Variants in GALNT10 observed in about 807,000 individuals in gnomAD.
The protein encoded by GALNT10 is polypeptide N-acetylgalactosaminyltransferase 10, also known as GalNAc transferase 10.
In GALNT10, 41 loss-of-function variants were observed where a neutral mutation model predicts 75.0. The observed-to-expected ratio is 0.55, with a 90% CI of 0.43 to 0.71. GALNT10 has a LOEUF of 0.71. Among genes scored for constraint, GALNT10 ranks in the 30% least tolerant of loss-of-function variants. The pLI is 0.00. For missense variants in GALNT10, 727 were observed against 818.5 expected (o/e 0.89, Z 1.36); for synonymous variants, 302 against 313.0 (o/e 0.96, Z 0.37).
At position 154,375,133 on chromosome 5, in the gene GALNT10, A is replaced by G. The variant is rs189588594; in HGVS notation, c.569-1144A>G. ...ACACAGCTAGAAGAAGGAAACCATC[A>G]TGTTTCCACAGCAAACCCAGGAATT... On this transcript the variant is annotated intron_variant, in intron 4 of 11. Transcript: ENST00000297107. Among the ~76,000 whole-genome samples, 12 of 152,344 alleles carry G rather than the reference A, an allele frequency of 7.9e-5. No homozygotes were observed. In the East Asian group the frequency reaches 2.3e-3, roughly 29 times the overall value.
intron 3 of GALNT10, among the ~76,000 whole-genome samples, chr5:154,329,024 G>T (rs910019431): frequency 1.3e-5 from 2 of 151,884 alleles, no homozygotes; most frequent in Non-Finnish European, 2.9e-5. Context: ...GTTCTTTCTG[G>T]TGACCACCCC....
intron 1 of GALNT10, among the ~76,000 whole-genome samples, chr5:154,269,704 G>A (rs148370896): frequency 1.5e-3 from 224 of 152,356 alleles, no homozygotes; most frequent in African/African-American, 5.3e-3. Flanking sequence ...GTTATAGGCT[G>A]GTGGGCAGAG....
At position 154,416,834 on chromosome 5, in the gene GALNT10, T is replaced by A; in HGVS notation, c.1674T>A (p.Pro558=). The A allele has an allele frequency of 6.2e-7, 1 of 1,613,546 alleles. No individual in the cohort carries two copies. The highest frequency in any genetic ancestry group is 8.5e-7 in the Non-Finnish European group (1 of 1,179,406). ...KYRKDKTLYH[P]VSGSCMDCSE... ...TGTAGGACAAGACCCTGTACCACCC[T>A]GTCAGTGGCAGCTGCATGGACTGCA... Residue 558 remains proline, a synonymous_variant, in exon 12 of 12, where the codon CCT becomes CCA. Coordinates refer to ENST00000297107, the MANE Select transcript of GALNT10 (RefSeq NM_198321.4). This position sits in a 1 kb window ranked among gnomAD's most constrained non-coding sequence, Gnocchi z 4.5.
intron 1 of GALNT10, among the ~76,000 whole-genome samples, chr5:154,226,349 C>T (rs145112749): frequency 3.9e-5 from 6 of 152,224 alleles, no homozygotes; most frequent in African/African-American, 1.4e-4. Flanking sequence ...AATCACATTC[C>T]TTCTGCCTGA....
rs1035509975 is a variant in GALNT10 at position 154,226,030 on chromosome 5, G to A, written c.159+35005G>A. On this transcript the variant is annotated intron_variant, in intron 1 of 11. Coordinates refer to ENST00000297107, the MANE Select transcript of GALNT10 (RefSeq NM_198321.4). ...GATAGCATTAGGAGATATACCTAAT[G>A]TTAAATGACGAGTTAATGGGTGCAG... 3.0e-4 allele frequency among the ~76,000 whole-genome samples: 46 copies of A among 151,816 alleles called. 1 individual carries two copies. Among genetic ancestry groups the A allele is most frequent in the Non-Finnish European group, 1.5e-5 (1 of 68,004 alleles).
intron 1 of GALNT10, among the ~76,000 whole-genome samples, chr5:154,194,092 A>G (rs891623554): frequency 2.6e-5 from 4 of 152,250 alleles, no homozygotes; most frequent in Non-Finnish European, 5.9e-5. Context: ...GGTTATTAAA[A>G]GCTCAAGTTA....
chr5:154,369,643 A>G (rs1755534305), intron 4 of GALNT10, among the ~76,000 whole-genome samples: 1 of 152,224 alleles, frequency 6.6e-6, no homozygotes, highest in South Asian at 2.1e-4. Flanking sequence ...ACCAAGATTT[A>G]CAAGTGAATA....
Position 154,365,397 on chromosome 5 carries a change from G to GA in GALNT10, c.569-10874dup, listed in dbSNP as rs540696238. On this transcript the variant is annotated intron_variant, in intron 4 of 11. Coordinates refer to ENST00000297107, the MANE Select transcript of GALNT10 (RefSeq NM_198321.4). ...AAGTCATTCCAGCCACTCATTTTCA[G>GA]AAAAAAGGCCAGAGAAATAAACTTA... Among the ~76,000 whole-genome samples the GA allele has an allele frequency of 1.6e-4, 25 of 152,158 alleles. No homozygotes were observed. In the East Asian group the frequency reaches 4.2e-3, roughly 26 times the overall value.
intron 1 of GALNT10, among the ~76,000 whole-genome samples, chr5:154,254,804 A>G (rs1753582238): frequency 6.6e-6 from 1 of 152,170 alleles, no homozygotes; most frequent in African/African-American, 2.4e-5. Flanking sequence ...TGACCAAAAC[A>G]ATAAGTGCAT....
intron 3 of GALNT10, among the ~76,000 whole-genome samples, chr5:154,324,323 C>T (rs745457815): frequency 1.3e-5 from 2 of 152,174 alleles, no homozygotes; most frequent in Non-Finnish European, 2.9e-5. Flanking sequence ...AAGGTTATGC[C>T]CCCTCCCAAT....
intron 4 of GALNT10, among the ~76,000 whole-genome samples, chr5:154,336,512 T>C (rs1754947785): frequency 6.6e-6 from 1 of 152,250 alleles, no homozygotes; most frequent in Admixed American, 6.5e-5. Flanking sequence ...TGTCAGTGTT[T>C]TGGATTTTGT....
intron 10 of GALNT10, among the ~76,000 whole-genome samples, chr5:154,413,561 A>G (rs1044672097): frequency 2.6e-5 from 4 of 152,188 alleles, no homozygotes. Flanking sequence ...CTTGGAGCCT[A>G]GGGGCATGGT....
chr5:154,390,365 A>C (rs980276321), intron 7 of GALNT10, among the ~76,000 whole-genome samples: 1 of 152,218 alleles, frequency 6.6e-6, no homozygotes, highest in African/African-American at 2.4e-5. Flanking sequence ...AAGAATAGTG[A>C]CTATGTTTCT....
At chr5:154,333,284 T>C (rs1754894065) in intron 4 of GALNT10, among the ~76,000 whole-genome samples, 1 of 152,184 alleles carries the variant, frequency 6.6e-6, no homozygotes, top group South Asian at 2.1e-4. Flanking sequence ...AGCCAGCTGG[T>C]TGCAAGAGAG....
chr5:154,314,631 C>T (rs115239005), intron 3 of GALNT10, among the ~76,000 whole-genome samples: 1,798 of 151,854 alleles, frequency 0.012, 33 homozygotes, highest in African/African-American at 0.041. Context: ...TCTGCCTCCC[C>T]GCCTCCCACA....
chr5:154,327,975 C>G (rs976309507), intron 3 of GALNT10, among the ~76,000 whole-genome samples: 6 of 151,134 alleles, frequency 4.0e-5, no homozygotes, highest in Non-Finnish European at 7.4e-5. Context: ...GGGGGACAGA[C>G]AGAGGAACAG....
At chr5:154,247,501 T>C (rs1753447410) in intron 1 of GALNT10, among the ~76,000 whole-genome samples, 1 of 152,226 alleles carries the variant, frequency 6.6e-6, no homozygotes, top group African/African-American at 2.4e-5. Flanking sequence ...CAGTCGTTTG[T>C]AGTTGTCCTT....
chr5:154,253,919 A>G (rs779793710), intron 1 of GALNT10, among the ~76,000 whole-genome samples: 1 of 152,094 alleles, frequency 6.6e-6, no homozygotes, highest in Non-Finnish European at 1.5e-5. Context: ...CAGCTTTAAG[A>G]GTTCATAGGA....
At chr5:154,198,948 A>G (rs1440809391) in intron 1 of GALNT10, among the ~76,000 whole-genome samples, 1 of 152,208 alleles carries the variant, frequency 6.6e-6, no homozygotes, top group Non-Finnish European at 1.5e-5. Flanking sequence ...ACCTGTATAT[A>G]AATCTGTCAC....
Sources: gnomAD v4.1 joint callset for allele counts (sites outside exome capture counted in the v4.1 genomes callset) on GRCh38, gnomAD v4.1.1 for gene constraint, Gnocchi (gnomAD v3.1) non-coding constraint, MANE v1.5 for transcripts, NCBI Gene and HGNC (gene_info 2026-07-23, HGNC 2026-07-21) for gene names.